ZNF385D: variants seen among roughly 807,000 people sequenced by gnomAD.
The protein encoded by ZNF385D is zinc finger protein 659.
Under a neutral mutation model 35.8 loss-of-function variants are expected in ZNF385D, and 15 were observed. The observed-to-expected ratio is 0.42, with a 90% CI of 0.28 to 0.64. The LOEUF is 0.64. ZNF385D is among the 30% of genes least tolerant of loss of function. The pLI is 0.23. For missense variants in ZNF385D, 474 were observed against 494.6 expected, an observed-to-expected ratio of 0.96 and a Z score of 0.39; for synonymous variants, 212 against 186.8, an observed-to-expected ratio of 1.13 and a Z score of -1.10.
chr3:22,196,696 C>G (rs773273777), intron 2 of ZNF385D, among the ~76,000 whole-genome samples: 2 of 151,994 alleles, frequency 1.3e-5, no homozygotes, highest in East Asian at 1.9e-4. Context: ...TCATGTTTCA[C>G]TTGTTTTACG....
intron 3 of ZNF385D, among the ~76,000 whole-genome samples, chr3:22,041,490 C>T (rs1237344201): frequency 3.3e-5 from 5 of 152,058 alleles, no homozygotes; most frequent in Non-Finnish European, 7.4e-5. Context: ...CTACAAAATT[C>T]AAAACAATTT....
intron 3 of ZNF385D, among the ~76,000 whole-genome samples, chr3:22,137,463 C>T (rs144402141): frequency 1.4e-3 from 215 of 152,256 alleles, no homozygotes; most frequent in African/African-American, 4.9e-3. Context: ...CATCAAAAAG[C>T]TTATCCACCA....
chr3:22,315,473 A>G (rs985674019), intron 2 of ZNF385D, among the ~76,000 whole-genome samples: 1 of 152,234 alleles, frequency 6.6e-6, no homozygotes, highest in Non-Finnish European at 1.5e-5. Flanking sequence ...TGTTACACAA[A>G]GACAGAACCT....
chr3:21,996,773 A>G (rs1456286470), intron 3 of ZNF385D, among the ~76,000 whole-genome samples: 1 of 152,146 alleles, frequency 6.6e-6, no homozygotes, highest in Non-Finnish European at 1.5e-5. Context: ...TACTATCTTA[A>G]CCTTAGTTAT....
At chr3:21,751,677 C>T (rs2070095219), upstream of ZNF385D, among the ~76,000 whole-genome samples, 1 of 152,140 alleles carries the variant, frequency 6.6e-6, no homozygotes, top group Admixed American at 6.5e-5. Flanking sequence ...CCAGGGACCA[C>T]TGCTAGGGTA....
Position 21,798,153 on chromosome 3 carries a change from T to C in ZNF385D, c.326-133125A>G, listed in dbSNP as rs149281870. Among the ~76,000 whole-genome samples the C allele has an allele frequency of 6.5e-4, 99 of 152,286 alleles. 1 individual carries two copies. The highest frequency in any genetic ancestry group is 2.2e-3 in the African/African-American group (93 of 41,558). On this transcript the variant is annotated intron_variant, in intron 3 of 5. Transcript: ENST00000494108. ...GGTATAGGAATATGGGAAATCTCTG[T>C]ACCTGCCTTTTAATTTTCCTGTGAA...
chr3:22,366,942 C>A (rs1027603833), intron 2 of ZNF385D, among the ~76,000 whole-genome samples: 1 of 152,130 alleles, frequency 6.6e-6, no homozygotes, highest in African/African-American at 2.4e-5. Context: ...CTGGAAGAGG[C>A]CAGGAAAAGA....
intron 3 of ZNF385D, among the ~76,000 whole-genome samples, chr3:22,078,365 T>C (rs1231580515): frequency 1.3e-5 from 2 of 152,030 alleles, no homozygotes; most frequent in South Asian, 2.1e-4. Context: ...TAACAGATAA[T>C]GTTGACCAGG....
intron 1 of ZNF385D, among the ~76,000 whole-genome samples, chr3:21,710,988 C>A (rs964695630): frequency 4.1e-5 from 6 of 145,550 alleles, no homozygotes; most frequent in Non-Finnish European, 7.5e-5. Flanking sequence ...TGACTTTTGT[C>A]TTTGAGCAAC....
At chr3:22,276,821 G>C (rs1701454624) in intron 2 of ZNF385D, among the ~76,000 whole-genome samples, 1 of 151,984 alleles carries the variant, frequency 6.6e-6, no homozygotes, top group African/African-American at 2.4e-5. Flanking sequence ...AAGAAATATA[G>C]AATGGAACAA....
intron 3 of ZNF385D, among the ~76,000 whole-genome samples, chr3:22,049,564 G>C (rs1056157332): frequency 9.2e-5 from 14 of 152,048 alleles, no homozygotes; most frequent in Admixed American, 3.3e-4. Flanking sequence ...TTTATTAAAA[G>C]TGCCAATAGT....
chr3:21,799,674 C>A (rs1168715871), intron 3 of ZNF385D, among the ~76,000 whole-genome samples: 4 of 151,974 alleles, frequency 2.6e-5, no homozygotes, highest in Non-Finnish European at 5.9e-5. Flanking sequence ...AGTATTAGAC[C>A]TTAACAGGCA....
intron 3 of ZNF385D, among the ~76,000 whole-genome samples, chr3:21,993,929 C>T (rs529147099): frequency 6.6e-6 from 1 of 152,246 alleles, no homozygotes; most frequent in South Asian, 2.1e-4. Flanking sequence ...TTCATCATGT[C>T]CCCTCAATTA....
chr3:21,958,679 C>G (rs1399249957), intron 3 of ZNF385D, among the ~76,000 whole-genome samples: 1 of 152,050 alleles, frequency 6.6e-6, no homozygotes, highest in African/African-American at 2.4e-5. Context: ...ACTGCATAAC[C>G]TATTTTTCTA....
chr3:21,572,616 T>G (rs1454970380), intron 2 of ZNF385D, among the ~76,000 whole-genome samples: 1 of 152,200 alleles, frequency 6.6e-6, no homozygotes, highest in South Asian at 2.1e-4. Context: ...GGGTTTTCAT[T>G]TCTGTTAAGA....
intron 3 of ZNF385D, among the ~76,000 whole-genome samples, chr3:22,037,396 T>C (rs1250050086): frequency 2.0e-5 from 3 of 151,964 alleles, no homozygotes; most frequent in Non-Finnish European, 2.9e-5. Context: ...TTTTTAATGA[T>C]TGCTATTCTA....
chr3:21,441,385 C>T (rs547593373), intron 4 of ZNF385D, among the ~76,000 whole-genome samples: 5 of 152,170 alleles, frequency 3.3e-5, no homozygotes, highest in Admixed American at 2.6e-4. Flanking sequence ...GGGAACTTGC[C>T]CAACGCCAGA....
At chr3:22,307,238 T>C (rs1336339094) in intron 2 of ZNF385D, among the ~76,000 whole-genome samples, 1 of 152,074 alleles carries the variant, frequency 6.6e-6, no homozygotes, top group Admixed American at 6.6e-5. Flanking sequence ...GTCAGTTTAA[T>C]TGGAACAGGC....
chr3:21,694,168 C>G (rs1205634880), intron 1 of ZNF385D, among the ~76,000 whole-genome samples: 8 of 148,436 alleles, frequency 5.4e-5, no homozygotes, highest in Non-Finnish European at 1.0e-4. Context: ...CTCAGCCTCC[C>G]GAGTAGCTGG....
Sources: allele counts gnomAD v4.1 joint callset (sites outside exome capture counted in the v4.1 genomes callset), GRCh38; gene constraint gnomAD v4.1.1; transcripts MANE v1.5; gene names NCBI Gene and HGNC (gene_info 2026-07-23, HGNC 2026-07-21).